The following RGS9 variants were observed in gnomAD, a reference collection of about 807,000 sequenced individuals.
RGS9 encodes the protein regulator of G protein signaling 9.
A neutral mutation model predicts 102.0 loss-of-function variants in RGS9; 78 were observed. The ratio of observed to expected loss-of-function variants is 0.76; its 90% CI spans 0.64 to 0.92. RGS9 has a LOEUF of 0.92. Ranked by LOEUF, RGS9 falls within the 40% of genes least tolerant of loss-of-function variation. The pLI is 0.00. For missense variants in RGS9, 833 were observed against 866.1 expected, an observed-to-expected ratio of 0.96 and a Z score of 0.48; for synonymous variants, 353 against 318.6, an observed-to-expected ratio of 1.11 and a Z score of -1.15.
At chr17:65,214,691 C>T (rs76870845) in intron 17 of RGS9, among the ~76,000 whole-genome samples, 5,687 of 152,306 alleles carry the variant, frequency 0.037, 150 homozygotes, top group African/African-American at 0.067. Flanking sequence ...CCTTATAACA[C>T]CTGGCTGGAT....
intron 9 of RGS9, among the ~76,000 whole-genome samples, chr17:65,181,392 T>C (rs778600861): frequency 6.6e-6 from 1 of 152,212 alleles, no homozygotes; most frequent in Non-Finnish European, 1.5e-5. Context: ...AATGAGTAAA[T>C]TCTTGAGAAG....
intron 18 of RGS9, among the ~76,000 whole-genome samples, chr17:65,226,561 G>A (rs8077956): frequency 0.072 from 10,962 of 151,682 alleles, 1,341 homozygotes; most frequent in African/African-American, 0.25. Flanking sequence ...ACTTTAAAAG[G>A]CTCTCTTCTC....
chr17:65,213,082 T>C (rs971051191), intron 17 of RGS9, among the ~76,000 whole-genome samples: 4 of 152,232 alleles, frequency 2.6e-5, no homozygotes, highest in African/African-American at 9.6e-5. Flanking sequence ...TTAACCTCTC[T>C]ACATCCTTAT....
chr17:65,137,377 G>T lies in RGS9; in HGVS notation c.-164G>T, dbSNP rs958513505. On this transcript the variant is annotated 5_prime_UTR_variant, in exon 1 of 19. Coordinates refer to ENST00000262406, the MANE Select transcript of RGS9 (RefSeq NM_003835.4). ...GATTCCAGCTGCTTTCCAAGTCAGC[G>T]GCGCCTAGTGAGAGTCAGGGGGGCC... 9 of 668,126 alleles carry T rather than the reference G, an allele frequency of 1.3e-5. No individual in the cohort carries two copies. Among genetic ancestry groups the T allele is most frequent in the Non-Finnish European group, 2.1e-5 (8 of 376,114 alleles). The allele number at this position is 668,126 out of a possible 1,614,324, so 41.4% of individuals were successfully genotyped here. A position where few individuals can be genotyped will look rare whatever the true frequency, so the allele number is the denominator to read the frequency against.
intron 17 of RGS9, among the ~76,000 whole-genome samples, chr17:65,217,751 A>C (rs1463019767): frequency 6.6e-6 from 1 of 152,108 alleles, no homozygotes; most frequent in Non-Finnish European, 1.5e-5. Context: ...AGAATAATTG[A>C]TAAGAGAAAG....
intron 1 of RGS9, 38 bp downstream of exon 1, chr17:65,137,635 C>A: frequency 6.2e-7 from 1 of 1,604,826 alleles, no homozygotes; most frequent in Non-Finnish European, 8.5e-7. Context: ...GGGAGGAGGG[C>A]GGGGGACCGC....
chr17:65,198,992 C>G (rs569389572), intron 13 of RGS9, among the ~76,000 whole-genome samples: 1 of 152,150 alleles, frequency 6.6e-6, no homozygotes, highest in Non-Finnish European at 1.5e-5. Context: ...TATCTCCCCC[C>G]CACTAATTCC....
intron 9 of RGS9, among the ~76,000 whole-genome samples, chr17:65,183,551 C>A (rs969384923): frequency 2.0e-5 from 3 of 152,214 alleles, no homozygotes; most frequent in Non-Finnish European, 4.4e-5. Context: ...CCTGCCTTGG[C>A]CTCCCAGGGT....
chr17:65,225,424 G>A lies in RGS9; in HGVS notation c.1830G>A (p.Arg610=), dbSNP rs2144136044. 1.2e-6 allele frequency: 2 copies of A among 1,610,020 alleles called. No individual in the cohort carries two copies. Among genetic ancestry groups the A allele is most frequent in the African/African-American group, 1.3e-5 (1 of 75,072 alleles). ...SPKCPAVSHG[R]VQPLGDVGQQ... ...AGTGCCCTGCTGTGTCCCACGGGAG[G>A]GTGCAGCCCCTGGGGGACGTGGGCC... is the stretch of plus-strand genomic sequence containing the variant. Residue 610 remains arginine, a synonymous_variant, in exon 18 of 19, where the codon AGG becomes AGA. Coordinates refer to ENST00000262406, the MANE Select transcript of RGS9 (RefSeq NM_003835.4).
chr17:65,189,054 G>C (rs1177786002), intron 9 of RGS9: 1 of 587,082 alleles, frequency 1.7e-6, no homozygotes, highest in Non-Finnish European at 3.0e-6. Context: ...GGTGAGCAAA[G>C]TTACAGTGGT....
In RGS9 at chr17:65,224,997, TACAGCCGGGCCAGC is replaced by T; in HGVS notation, c.1408-1_1420del. 1.9e-6 allele frequency: 3 copies of T among 1,613,618 alleles called. No individual in the cohort carries two copies. The highest frequency in any genetic ancestry group is 2.5e-6 in the Non-Finnish European group (3 of 1,179,988). On this transcript the variant is annotated splice_acceptor_variant and splice_polypyrimidine_tract_variant and coding_sequence_variant and intron_variant, in exon 18 of 19. Coordinates refer to ENST00000262406, the MANE Select transcript of RGS9 (RefSeq NM_003835.4). LOFTEE classifies it high-confidence loss of function. ...CACTGAGCTCTCTCCTTTCCTTCTC[TACAGCCGGGCCAGC>T]ACATGGCTCCCAGCCCCCATCTGAC...
intron 16 of RGS9, among the ~76,000 whole-genome samples, chr17:65,208,639 A>T (rs192688540): frequency 5.9e-5 from 9 of 152,304 alleles, no homozygotes; most frequent in African/African-American, 2.2e-4. Context: ...AGGATTGAAG[A>T]TTTAAAATAT....
At chr17:65,146,247 C>A (rs1004397198) in intron 1 of RGS9, among the ~76,000 whole-genome samples, 4 of 152,134 alleles carry the variant, frequency 2.6e-5, no homozygotes, top group Admixed American at 2.6e-4. Context: ...ATGAAGGCAG[C>A]CTTTCATCCG....
At chr17:65,160,128 T>C in intron 3 of RGS9, 105 bp from the exon 4 acceptor site, 1 of 866,730 alleles carries the variant, frequency 1.2e-6, no homozygotes, top group Middle Eastern at 2.9e-4. Flanking sequence ...TGCAGTGCTG[T>C]TAGGAAGGGG....
At chr17:65,145,917 G>A (rs1910341895) in intron 1 of RGS9, among the ~76,000 whole-genome samples, 1 of 152,054 alleles carries the variant, frequency 6.6e-6, no homozygotes, top group African/African-American at 2.4e-5. Context: ...CCCTCAAAAT[G>A]TTCCCGAGGT....
intron 17 of RGS9, among the ~76,000 whole-genome samples, chr17:65,219,874 C>CCATCATCACCATCATCATCATCACTAT (rs1310732184): frequency 6.6e-6 from 1 of 151,266 alleles, no homozygotes; most frequent in Admixed American, 6.6e-5. Context: ...CACCATCATA[C>CCATCATCACCATCATCATCATCACTAT]CATCATCACC....
At chr17:65,174,418 T>A (rs574450961) in intron 8 of RGS9, among the ~76,000 whole-genome samples, 1 of 152,082 alleles carries the variant, frequency 6.6e-6, no homozygotes, top group South Asian at 2.1e-4. Context: ...AGTGAGTGTG[T>A]GAATGTATGT....
intron 18 of RGS9, among the ~76,000 whole-genome samples, chr17:65,226,037 T>C (rs1383682756): frequency 1.3e-5 from 2 of 152,192 alleles, no homozygotes; most frequent in African/African-American, 4.8e-5. Context: ...AAAATGAAAG[T>C]GCGTAGCCTT....
chr17:65,173,212 G>A lies in RGS9; in HGVS notation c.583-4520G>A, dbSNP rs866408181. On this transcript the variant is annotated intron_variant, in intron 8 of 18. Transcript: ENST00000262406. The surrounding 1 kb of genome is among the most constrained non-coding windows in gnomAD (Gnocchi z 4.8). Reference sequence around the variant, plus strand: ...GCTGGGATTACAGGCATGAGCCACCGCGCCTGGCCTCATCTCTATTTCTTT... The same window carrying A: ...GCTGGGATTACAGGCATGAGCCACCACGCCTGGCCTCATCTCTATTTCTTT... Among the ~76,000 whole-genome samples the A allele has an allele frequency of 1.3e-5, 2 of 151,938 alleles. No individual in the cohort carries two copies. The highest frequency in any genetic ancestry group is 2.1e-4 in the South Asian group (1 of 4,814).
Sources: allele counts gnomAD v4.1 joint callset (sites outside exome capture counted in the v4.1 genomes callset), GRCh38; gene constraint gnomAD v4.1.1; non-coding constraint Gnocchi (gnomAD v3.1); transcripts MANE v1.5; gene names NCBI Gene and HGNC (gene_info 2026-07-23, HGNC 2026-07-21).